The following PLXNA4 variants were observed in gnomAD, a reference collection of about 807,000 sequenced individuals.
PLXNA4 encodes the protein plexin-A4.
In PLXNA4, 44 loss-of-function variants were observed where a neutral mutation model predicts 191.8. The observed-to-expected ratio is 0.23, with a 90% confidence interval of 0.18 to 0.29. The LOEUF is 0.29. PLXNA4 is among the 10% of genes least tolerant of loss of function. The pLI is 1.00. For missense variants in PLXNA4, 1,800 were observed against 2,488.8 expected (o/e 0.72, Z 5.89); for synonymous variants, 1,082 against 1,009.5 (o/e 1.07, Z -1.36).
At chr7:132,303,206 G>A (rs1272607006) in intron 3 of PLXNA4, among the ~76,000 whole-genome samples, 1 of 150,136 alleles carries the variant, frequency 6.7e-6, no homozygotes, top group Non-Finnish European at 1.5e-5. Context: ...ATAGATACTT[G>A]TGGATCACCT....
At chr7:132,577,047 C>CCTGGGG (rs1284880680), upstream of PLXNA4, 4 of 146,432 alleles carry the variant, frequency 2.7e-5, no homozygotes, top group Non-Finnish European at 4.6e-5. Flanking sequence ...CGGGCAGTGC[C>CCTGGGG]CTGGGGCCGG....
chr7:132,134,610 C>A (rs1022833714), intron 30 of PLXNA4, among the ~76,000 whole-genome samples: 3 of 152,198 alleles, frequency 2.0e-5, no homozygotes, highest in Non-Finnish European at 4.4e-5. Context: ...AGAGGGGACT[C>A]CCCTGGCCAC....
intron 2 of PLXNA4, among the ~76,000 whole-genome samples, chr7:132,497,237 A>AT (rs147144994): frequency 0.013 from 2,050 of 152,324 alleles, 35 homozygotes; most frequent in African/African-American, 0.047. Flanking sequence ...AAAGGGAGAT[A>AT]TTGATCAGAT....
intron 3 of PLXNA4, among the ~76,000 whole-genome samples, chr7:132,477,325 A>T (rs55871401): frequency 0.041 from 6,261 of 152,278 alleles, 210 homozygotes; most frequent in African/African-American, 0.083. Flanking sequence ...GCTGGGCCAA[A>T]AAAATGGGAG....
At chr7:132,235,509 A>ATC (rs1375444595) in intron 5 of PLXNA4, among the ~76,000 whole-genome samples, 1 of 152,180 alleles carries the variant, frequency 6.6e-6, no homozygotes, top group African/African-American at 2.4e-5. Context: ...ACCTATCCAG[A>ATC]GGAGGGCATT....
chr7:132,318,140 G>GC (rs1243783597), intron 3 of PLXNA4, among the ~76,000 whole-genome samples: 1 of 152,198 alleles, frequency 6.6e-6, no homozygotes, highest in Non-Finnish European at 1.5e-5. Context: ...AGGCCTGCAG[G>GC]CAGGGGGACT....
intron 1 of PLXNA4, among the ~76,000 whole-genome samples, chr7:132,647,176 C>T (rs936543070): frequency 1.3e-4 from 20 of 151,700 alleles, no homozygotes; most frequent in Admixed American, 3.3e-4. Flanking sequence ...TTCACAAACC[C>T]ACAGTCATAC....
chr7:132,401,309 C>T (rs1230095661), intron 3 of PLXNA4, among the ~76,000 whole-genome samples: 1 of 152,150 alleles, frequency 6.6e-6, no homozygotes, highest in Non-Finnish European at 1.5e-5. Flanking sequence ...ACGATTATCT[C>T]AAAAGGCAAA....
chr7:132,460,822 G>A (rs59300611), intron 3 of PLXNA4, among the ~76,000 whole-genome samples: 3,261 of 152,000 alleles, frequency 0.021, 131 homozygotes, highest in African/African-American at 0.074. Context: ...GATCCTAAAC[G>A]TTTCAGAATG....
chr7:132,503,140 T>C (rs1335505113), intron 2 of PLXNA4, among the ~76,000 whole-genome samples: 1 of 151,842 alleles, frequency 6.6e-6, no homozygotes, highest in Non-Finnish European at 1.5e-5. Flanking sequence ...GTGGAGTGAA[T>C]GACAGTCACT....
At chr7:132,496,810 G>A (rs1585224254) in intron 2 of PLXNA4, among the ~76,000 whole-genome samples, 1 of 152,132 alleles carries the variant, frequency 6.6e-6, no homozygotes, top group Admixed American at 6.5e-5. Flanking sequence ...AAGAGACTAT[G>A]TGTCCAGTCC....
Position 132,414,978 on chromosome 7 carries a change from GCCCTACACAGGC to G in PLXNA4, c.1371+74302_1371+74313del, listed in dbSNP as rs1794609292. On this transcript the variant is annotated intron_variant, in intron 3 of 31. Coordinates refer to ENST00000321063, the MANE Select transcript of PLXNA4 (RefSeq NM_020911.2). ...TGGAATCCACAACCTCCTATCCTTG[GCCCTACACAGGC>G]CCCTACCCTTTCCCCGACCTCTACC... 2.0e-5 allele frequency among the ~76,000 whole-genome samples: 3 copies of G among 152,224 alleles called. 1 individual carries two copies. Among genetic ancestry groups the G allele is most frequent in the Admixed American group, 2.0e-4 (3 of 15,288 alleles).
chr7:132,159,080 G>C (rs1795875156), intron 25 of PLXNA4, among the ~76,000 whole-genome samples: 1 of 152,192 alleles, frequency 6.6e-6, no homozygotes, highest in Non-Finnish European at 1.5e-5. Context: ...GGCAACAACA[G>C]AGGCGGTGGC....
intron 3 of PLXNA4, among the ~76,000 whole-genome samples, chr7:132,473,132 G>A (rs1796992972): frequency 6.6e-6 from 1 of 152,196 alleles, no homozygotes; most frequent in South Asian, 2.1e-4. Flanking sequence ...GCAAAGGGGG[G>A]CAAGGATCCC....
In PLXNA4 at chr7:132,179,872, G is replaced by A. The variant is rs201499248; in HGVS notation, c.3689C>T (p.Pro1230Leu). 19 of 1,612,930 alleles carry A rather than the reference G, an allele frequency of 1.2e-5. No individual in the cohort carries two copies. The highest frequency in any genetic ancestry group is 5.3e-5 in the African/African-American group (4 of 74,926). The part of the protein sequence containing the change: ...EYSPGMVYIA[P>L]DSPLSLPAIV... ...GGCGGGCAGGCTGAGCGGGCTGTCCGGGGCAATGTACACCATCCCCGGGGA... is the reference window on the plus strand; with the variant it reads ...GGCGGGCAGGCTGAGCGGGCTGTCCAGGGCAATGTACACCATCCCCGGGGA... The change falls in exon 20 of 32, where the codon CCG becomes CTG. Residue 1230 changes from proline to leucine, a missense_variant. Around this residue, in one of 6 missense-constraint regions of PLXNA4, gnomAD observed 1,397 missense variants for 1,880.4 expected, o/e 0.74. Transcript: ENST00000321063.
Position 132,130,343 on chromosome 7 carries a change from GAGAA to G in PLXNA4, c.*132_*135del. Reference sequence around the variant, plus strand: ...GGAGGGAGAAACGGAAAGAGGCAGAGAGAAAGAGAGAGAAACAGCGCTGCTCAGG... The same window carrying G: ...GGAGGGAGAAACGGAAAGAGGCAGAGAGAGAGAGAAACAGCGCTGCTCAGG... On this transcript the variant is annotated 3_prime_UTR_variant, in exon 32 of 32. Transcript: ENST00000321063. 8.3e-7 allele frequency: 1 copy of G among 1,211,310 alleles called. No homozygotes were observed. Among genetic ancestry groups the G allele is most frequent in the Non-Finnish European group, 1.2e-6 (1 of 855,396 alleles). The allele number at this position is 1,211,310 out of a possible 1,614,324, so 75.0% of individuals were successfully genotyped here.
At chr7:132,614,549 G>A (rs1403539657) in intron 2 of PLXNA4, among the ~76,000 whole-genome samples, 1 of 152,266 alleles carries the variant, frequency 6.6e-6, no homozygotes, top group Non-Finnish European at 1.5e-5. Flanking sequence ...GGCTCAGGGA[G>A]CAGTGTTGGA....
At chr7:132,638,222 C>T (rs1454165967) in intron 2 of PLXNA4, among the ~76,000 whole-genome samples, 5 of 152,376 alleles carry the variant, frequency 3.3e-5, no homozygotes, top group African/African-American at 4.8e-5. Context: ...ACGGGCAGCT[C>T]TCATGCCAGG....
At chr7:132,590,129 G>A (rs1222957347) in intron 2 of PLXNA4, among the ~76,000 whole-genome samples, 1 of 152,196 alleles carries the variant, frequency 6.6e-6, no homozygotes, top group Non-Finnish European at 1.5e-5. Context: ...ATCTATTGTA[G>A]CTCTGAAAAG....
Sources: gnomAD v4.1 joint callset for allele counts (sites outside exome capture counted in the v4.1 genomes callset) on GRCh38, gnomAD v4.1.1 for gene constraint, gnomAD v4.1.1 regional missense constraint, MANE v1.5 for transcripts, NCBI Gene and HGNC (gene_info 2026-07-23, HGNC 2026-07-21) for gene names.